The following LSP1 variants were observed in gnomAD, a reference collection of about 807,000 sequenced individuals.
LSP1 encodes lymphocyte-specific protein 1.
LSP1 carries 32 observed loss-of-function variants against 49.3 expected under a neutral mutation model. The ratio of observed to expected loss-of-function variants is 0.65; its 90% confidence interval spans 0.49 to 0.87. The LOEUF (loss-of-function observed/expected upper bound fraction) is 0.87, where lower values mean the gene tolerates loss of function less well. Ranked by LOEUF, LSP1 falls within the 40% of genes least tolerant of loss-of-function variation. LSP1 has a pLI of 0.00. For missense variants in LSP1, 428 were observed against 442.6 expected, an observed-to-expected ratio of 0.97 and a Z score of 0.30; for synonymous variants, 179 against 178.8, an observed-to-expected ratio of 1.00 and a Z score of -0.01.
intron 7 of LSP1, among the ~76,000 whole-genome samples, chr11:1,885,023 C>T (rs1346413017): frequency 6.6e-6 from 1 of 151,892 alleles, no homozygotes; most frequent in African/African-American, 2.4e-5. Flanking sequence ...TCAATCAATC[C>T]CCCTTTATCC....
At position 1,884,400 on chromosome 11, in the gene LSP1, G is replaced by A. The variant is rs141371305; in HGVS notation, c.635+77G>A. 25 of 1,610,426 alleles carry A rather than the reference G, an allele frequency of 1.6e-5. No homozygotes were observed. In the East Asian group the frequency reaches 3.6e-4, roughly 23 times the overall value. On this transcript the variant is annotated intron_variant, in intron 6 of 10. Coordinates refer to ENST00000311604, the MANE Select transcript of LSP1 (RefSeq NM_002339.3). This position sits in a 1 kb window ranked among gnomAD's most constrained non-coding sequence, Gnocchi z 4.1. ...AGTGGGGGTTGAAGGGAGTCACAAG[G>A]TAGAGATCTGGAGACCGAGGGGGGC...
rs536964514 is a variant in LSP1, at chr11:1,883,335, G to A, written c.357-84G>A. 26 of 1,526,658 alleles carry A rather than the reference G, an allele frequency of 1.7e-5. No individual in the cohort carries two copies. In the East Asian group the frequency reaches 5.7e-4, roughly 33 times the overall value. The allele number at this position is 1,526,658 out of a possible 1,614,324, so 94.6% of individuals were successfully genotyped here. A position where few individuals can be genotyped will look rare whatever the true frequency, so the allele number is the denominator to read the frequency against. ...CTGACTACCTTCATTTTACAGATGG[G>A]GAAACTGAGGCTTGGAAAAAGGAAG... On this transcript the variant is annotated intron_variant, in intron 3 of 10. Transcript: ENST00000311604.
rs574728290 is a variant in LSP1 at position 1,884,704 on chromosome 11, T to C, written c.717+123T>C. 8 of 749,748 alleles carry C rather than the reference T, an allele frequency of 1.1e-5. No individual in the cohort carries two copies. The East Asian group carries it at 1.9e-4, about 18-fold the overall frequency. 46.4% of individuals were successfully genotyped at this position (749,748 alleles called of 1,614,324 possible). On this transcript the variant is annotated intron_variant, in intron 7 of 10. Transcript: ENST00000311604. The surrounding 1 kb of genome is among the most constrained non-coding windows in gnomAD (Gnocchi z 4.1). ...TTCAACCAACACCCTATCCAACCAA[T>C]GCTTCTCCATCCAGTCAGTGCCCCT...
At chr11:1,876,847 G>A (rs1407931454) in intron 1 of LSP1, among the ~76,000 whole-genome samples, 1 of 152,198 alleles carries the variant, frequency 6.6e-6, no homozygotes, top group African/African-American at 2.4e-5. Flanking sequence ...GCATCCGTCA[G>A]AGTTCTGTGC....
chr11:1,869,918 T>C (rs1452766987), intron 1 of LSP1, among the ~76,000 whole-genome samples: 1 of 152,060 alleles, frequency 6.6e-6, no homozygotes, highest in Non-Finnish European at 1.5e-5. Context: ...CCTCTGTCCC[T>C]GCCTGGTCTT....
At position 1,881,556 on chromosome 11, in the gene LSP1, C is replaced by G. The variant is rs1305747114; in HGVS notation, c.316C>G (p.Pro106Ala). 2 of 1,536,264 alleles carry G rather than the reference C, an allele frequency of 1.3e-6. No homozygotes were observed. The highest frequency in any genetic ancestry group is 2.8e-5 in the African/African-American group (2 of 72,528). Residue 106 changes from proline (P) to alanine (A), a missense_variant, in exon 3 of 11, where the codon CCC (proline) becomes GCC (alanine). By Grantham distance (27) the Pro-to-Ala change is conservative. Coordinates refer to ENST00000311604, the MANE Select transcript of LSP1 (RefSeq NM_002339.3). ...GCAGGGCGCCTTGGACAGCGGAGAG[C>G]CCCCCCAGTGCAGGAGTCCTGAGGG... The part of the protein sequence containing the change: ...GAQGALDSGE[P>A]PQCRSPEGEQ...
At chr11:1,880,060 T>C (rs765597316) in intron 1 of LSP1, 27 bp from the exon 2 acceptor site, 2 of 1,605,162 alleles carry the variant, frequency 1.2e-6, no homozygotes, top group East Asian at 4.5e-5. Flanking sequence ...GGCTGTGGCG[T>C]GACTGTCCCT....
At chr11:1,888,386 C>A (rs79310786) in intron 10 of LSP1, among the ~76,000 whole-genome samples, 2,149 of 152,298 alleles carry the variant, frequency 0.014, 43 homozygotes, top group East Asian at 0.072. Flanking sequence ...CCCTCCTCAT[C>A]CAGCTGTCAA....
Position 1,884,352 on chromosome 11 carries a change from G to T in LSP1, c.635+29G>T. 6.2e-7 allele frequency: 1 copy of T among 1,613,798 alleles called. No homozygotes were observed. The highest frequency in any genetic ancestry group is 8.5e-7 in the Non-Finnish European group (1 of 1,179,884). ...TGTCTGTCTGTCTGTCTGCTTTCTGGGCTCAGATCTTAGGTTTAACCAAGT... is the reference window on the plus strand; with the variant it reads ...TGTCTGTCTGTCTGTCTGCTTTCTGTGCTCAGATCTTAGGTTTAACCAAGT... On this transcript the variant is annotated intron_variant, in intron 6 of 10. Transcript: ENST00000311604. The surrounding 1 kb of genome is among the most constrained non-coding windows in gnomAD (Gnocchi z 4.1).
intron 1 of LSP1, among the ~76,000 whole-genome samples, chr11:1,867,661 C>T (rs1340139986): frequency 1.3e-5 from 2 of 152,184 alleles, no homozygotes; most frequent in Non-Finnish European, 2.9e-5. Context: ...ATGTCAGGTG[C>T]AGGGCTGGGA....
In LSP1 at chr11:1,873,812, C is replaced by T. The variant is rs567263079; in HGVS notation, c.54-6275C>T. 8.5e-5 allele frequency among the ~76,000 whole-genome samples: 11 copies of T among 129,190 alleles called. 1 individual carries two copies. Among genetic ancestry groups the T allele is most frequent in the South Asian group, 4.6e-4 (2 of 4,386 alleles). The allele number at this position is 129,190 out of a possible 152,430, so 84.8% of individuals were successfully genotyped here. The stretch of plus-strand genomic sequence containing the variant: ...GTGGCAACCAGAAGAGCAGGGAGCC[C>T]AGCAGAGGAGGGAGGCCGGCAGAGG... On this transcript the variant is annotated intron_variant, in intron 1 of 10. Transcript: ENST00000311604.
intron 1 of LSP1, among the ~76,000 whole-genome samples, chr11:1,868,471 A>G (rs1847868923): frequency 6.6e-6 from 1 of 152,092 alleles, no homozygotes; most frequent in Admixed American, 6.5e-5. Context: ...TCAGGCAGGG[A>G]CCCACCCTGA....
chr11:1,859,613 C>T, intron 1 of LSP1: 1 of 154,298 alleles, frequency 6.5e-6, no homozygotes, highest in Middle Eastern at 5.8e-4. Context: ...ATCCTTTAGC[C>T]TTTCTCTTAG....
rs376029050 is a variant in LSP1, at chr11:1,884,307, C to T, written c.619C>T (p.Arg207Cys). ...KLIDRTESLN[R>C]SIEKSNSVKK... Reference sequence around the variant, plus strand: ...CATCGACAGGACCGAGTCCCTAAACCGCTCCATAGAGAAGAGGTCTGTCTG... The same window carrying T: ...CATCGACAGGACCGAGTCCCTAAACTGCTCCATAGAGAAGAGGTCTGTCTG... Residue 207 changes from arginine (R) to cysteine (C), a missense_variant, in exon 6 of 11, where the codon CGC (arginine) becomes TGC (cysteine). Arg to Cys is a radical substitution (Grantham distance 180). Coordinates refer to ENST00000311604, the MANE Select transcript of LSP1 (RefSeq NM_002339.3). This position sits in a 1 kb window ranked among gnomAD's most constrained non-coding sequence, Gnocchi z 4.1. 44 of 1,613,988 alleles carry T rather than the reference C, an allele frequency of 2.7e-5. 1 individual carries two copies. The highest frequency in any genetic ancestry group is 2.1e-4 in the South Asian group (19 of 91,084).
At chr11:1,881,666 G>T (rs1308161030) in intron 3 of LSP1, 70 bp downstream of exon 3, 1 of 1,422,096 alleles carries the variant, frequency 7.0e-7, no homozygotes, top group African/African-American at 1.5e-5. Flanking sequence ...GGCGGGCGCT[G>T]GGCAGAGCAG....
chr11:1,879,941 G>T, intron 1 of LSP1, 146 bp from the exon 2 acceptor site: 2 of 906,638 alleles, frequency 2.2e-6, no homozygotes, highest in Non-Finnish European at 3.3e-6. Context: ...ACAAGGTGAG[G>T]CCTGAGGGCC....
intron 7 of LSP1, among the ~76,000 whole-genome samples, chr11:1,885,889 C>T (rs1265455599): frequency 6.6e-6 from 1 of 151,980 alleles, no homozygotes; most frequent in Non-Finnish European, 1.5e-5. Flanking sequence ...ATTAATCCCC[C>T]TTCAACCAAC....
chr11:1,884,227 G>T lies in LSP1; in HGVS notation c.592-53G>T. On this transcript the variant is annotated intron_variant, in intron 5 of 10. Coordinates refer to ENST00000311604, the MANE Select transcript of LSP1 (RefSeq NM_002339.3). This position sits in a 1 kb window ranked among gnomAD's most constrained non-coding sequence, Gnocchi z 4.1. ...GGTTGGAGTAGCTGGGGAGATGGAG[G>T]GTGGGCTTTACCTCGGCTGCTGCAG... 4 of 1,603,140 alleles carry T rather than the reference G, an allele frequency of 2.5e-6. No homozygotes were observed. Among genetic ancestry groups the T allele is most frequent in the Non-Finnish European group, 3.4e-6 (4 of 1,170,128 alleles).
In LSP1 at chr11:1,880,059, G is replaced by A. The variant is rs374180477; in HGVS notation, c.54-28G>A. 228 of 1,604,784 alleles carry A rather than the reference G, an allele frequency of 1.4e-4. 2 individuals carry two copies. The South Asian group carries it at 1.7e-3, about 12-fold the overall frequency. On this transcript the variant is annotated intron_variant, in intron 1 of 10. Transcript: ENST00000311604. ...AAACAGCACCTGTGTCGGCTGTGGC[G>A]TGACTGTCCCTCTGTGTCCCCCACT...
Sources: gnomAD v4.1 joint callset for allele counts (sites outside exome capture counted in the v4.1 genomes callset) on GRCh38, gnomAD v4.1.1 for gene constraint, Gnocchi (gnomAD v3.1) non-coding constraint, MANE v1.5 for transcripts, NCBI Gene and HGNC (gene_info 2026-07-23, HGNC 2026-07-21) for gene names.